SORCS3: variants seen among roughly 807,000 people sequenced by gnomAD.
SORCS3 encodes the protein sortilin related VPS10 domain containing receptor 3, also known as VPS10 domain-containing receptor SorCS3.
A neutral mutation model predicts 146.3 loss-of-function variants in SORCS3; 57 were observed. The observed-to-expected ratio is 0.39, with a 90% CI of 0.31 to 0.49. The LOEUF is 0.49. Ranked by LOEUF, SORCS3 falls within the 20% of genes least tolerant of loss-of-function variation. SORCS3 has a pLI of 0.92. For synonymous variants in SORCS3, 653 were observed against 618.5 expected (o/e 1.06, Z -0.83); for missense variants, 1,341 against 1,575.5 (o/e 0.85, Z 2.52).
At chr10:105,158,800 G>T in intron 10 of SORCS3, 92 bp from the exon 11 acceptor site, 1 of 933,716 alleles carries the variant, frequency 1.1e-6, no homozygotes, top group East Asian at 2.5e-5. Context: ...GCTATTTCTG[G>T]GAGCTGAACA....
chr10:105,204,733 T>C (rs1258122086), intron 16 of SORCS3, among the ~76,000 whole-genome samples: 1 of 152,126 alleles, frequency 6.6e-6, no homozygotes, highest in Non-Finnish European at 1.5e-5. Context: ...ATAAAGTTTT[T>C]TTTTACTACT....
At chr10:105,161,638 T>C (rs2056264085) in intron 11 of SORCS3, among the ~76,000 whole-genome samples, 1 of 152,152 alleles carries the variant, frequency 6.6e-6, no homozygotes, top group African/African-American at 2.4e-5. Context: ...GTTCCTAATA[T>C]CCTTAACACT....
chr10:104,933,485 G>A (rs1294639814), intron 3 of SORCS3, among the ~76,000 whole-genome samples: 4 of 152,096 alleles, frequency 2.6e-5, no homozygotes, highest in Non-Finnish European at 4.4e-5. Context: ...GTCAGGACAG[G>A]GTAAACCAGG....
At chr10:105,127,643 T>C (rs907684237) in intron 7 of SORCS3, among the ~76,000 whole-genome samples, 5 of 152,104 alleles carry the variant, frequency 3.3e-5, no homozygotes, top group Non-Finnish European at 7.4e-5. Flanking sequence ...GAGACTATTA[T>C]AGATGAGTAA....
At position 105,101,382 on chromosome 10, in the gene SORCS3, C is replaced by T. The variant is rs791103; in HGVS notation, c.1094-4015C>T. Among the ~76,000 whole-genome samples the T allele has an allele frequency of 2.3e-3, 349 of 152,288 alleles. 3 individuals carry two copies. Among genetic ancestry groups the T allele is most frequent in the African/African-American group, 8.2e-3 (340 of 41,560 alleles). ...ATTTAGTTTCCCCATGCCCCTACTTCGGTTCTCTCCTGGCAGAGGGCACTG... is the reference window on the plus strand; with the variant it reads ...ATTTAGTTTCCCCATGCCCCTACTTTGGTTCTCTCCTGGCAGAGGGCACTG... On this transcript the variant is annotated intron_variant, in intron 6 of 26. Coordinates refer to ENST00000369701, the MANE Select transcript of SORCS3 (RefSeq NM_014978.3).
intron 4 of SORCS3, among the ~76,000 whole-genome samples, chr10:104,985,790 A>G (rs899369506): frequency 4.6e-5 from 7 of 152,338 alleles, no homozygotes; most frequent in African/African-American, 1.7e-4. Flanking sequence ...GTTAATAAGC[A>G]GTAATAGTTT....
intron 9 of SORCS3, among the ~76,000 whole-genome samples, chr10:105,151,040 G>T (rs187400038): frequency 1.8e-4 from 27 of 152,266 alleles, no homozygotes; most frequent in Non-Finnish European, 3.4e-4. Context: ...GTTAGGACTG[G>T]TGCATGAGAT....
At chr10:104,772,536 A>C (rs923218757) in intron 1 of SORCS3, among the ~76,000 whole-genome samples, 3 of 152,158 alleles carry the variant, frequency 2.0e-5, no homozygotes, top group African/African-American at 7.2e-5. Flanking sequence ...GGTTTCATTC[A>C]TCAGCCCAGA....
chr10:104,737,502 T>A (rs770011380), intron 1 of SORCS3, among the ~76,000 whole-genome samples: 92 of 152,312 alleles, frequency 6.0e-4, no homozygotes, highest in Non-Finnish European at 1.2e-3. Context: ...CTCATTGTGG[T>A]TTTGATTTGC....
At chr10:104,794,957 A>G (rs1162995674) in intron 1 of SORCS3, among the ~76,000 whole-genome samples, 2 of 152,166 alleles carry the variant, frequency 1.3e-5, no homozygotes, top group African/African-American at 4.8e-5. Context: ...AACCAGCACA[A>G]TAGGAGCTGG....
intron 3 of SORCS3, among the ~76,000 whole-genome samples, chr10:104,931,706 A>G (rs2019210406): frequency 6.6e-6 from 1 of 152,246 alleles, no homozygotes; most frequent in African/African-American, 2.4e-5. Context: ...GCCTGAGAAT[A>G]GTGTTCAGGA....
chr10:105,168,412 C>T (rs1241964323), intron 13 of SORCS3, among the ~76,000 whole-genome samples: 1 of 152,066 alleles, frequency 6.6e-6, no homozygotes, highest in Admixed American at 6.6e-5. Flanking sequence ...GGATGAGTCT[C>T]ATTTGTATTT....
At chr10:105,054,940 T>G (rs1228693600) in intron 5 of SORCS3, among the ~76,000 whole-genome samples, 1 of 152,198 alleles carries the variant, frequency 6.6e-6, no homozygotes, top group Non-Finnish European at 1.5e-5. Flanking sequence ...AGAATCACCT[T>G]GTCATGTTTT....
At chr10:104,923,887 G>T (rs2133605640) in intron 3 of SORCS3, among the ~76,000 whole-genome samples, 1 of 152,314 alleles carries the variant, frequency 6.6e-6, no homozygotes. Context: ...GACAATGATA[G>T]TAAAAATAAT....
chr10:105,200,912 G>A (rs1380168786), intron 15 of SORCS3, among the ~76,000 whole-genome samples: 1 of 152,182 alleles, frequency 6.6e-6, no homozygotes, highest in Non-Finnish European at 1.5e-5. Flanking sequence ...GAGGGTAGAA[G>A]TGGGCCCACC....
Position 105,255,799 on chromosome 10 carries a change from T to C in SORCS3, c.3335T>C (p.Leu1112Ser). 1.9e-6 allele frequency: 3 copies of C among 1,610,656 alleles called. No individual in the cohort carries two copies. Among genetic ancestry groups the C allele is most frequent in the South Asian group, 1.1e-5 (1 of 90,572 alleles). ...QVIVYVTQLT[L>S]APLVDSSAGH... ...ATTGTGTATGTCACACAGCTGACGT[T>C]AGGTGAGTGCCACTGGGAACTGGGG... Residue 1112 changes from leucine to serine, a missense_variant and splice_region_variant, in exon 24 of 27, where the codon TTA becomes TCA. Leu to Ser is a moderately radical substitution (Grantham distance 145). Transcript: ENST00000369701.
At chr10:104,764,275 G>A (rs935321441) in intron 1 of SORCS3, among the ~76,000 whole-genome samples, 2 of 152,116 alleles carry the variant, frequency 1.3e-5, no homozygotes, top group African/African-American at 2.4e-5. Flanking sequence ...AACTCCTGGG[G>A]ATCCTGTTGA....
intron 2 of SORCS3, among the ~76,000 whole-genome samples, chr10:104,860,588 AG>A (rs1441141603): frequency 1.3e-5 from 2 of 152,178 alleles, no homozygotes; most frequent in Admixed American, 6.5e-5. Flanking sequence ...AAAACAGAAA[AG>A]AAAAAAAATG....
intron 2 of SORCS3, among the ~76,000 whole-genome samples, chr10:104,847,971 C>T (rs1178904164): frequency 1.3e-5 from 2 of 151,968 alleles, no homozygotes; most frequent in Non-Finnish European, 2.9e-5. Flanking sequence ...GGGTGGGAGG[C>T]TCCTCTTCTG....
Sources: allele counts gnomAD v4.1 joint callset (sites outside exome capture counted in the v4.1 genomes callset), GRCh38; gene constraint gnomAD v4.1.1; transcripts MANE v1.5; gene names NCBI Gene and HGNC (gene_info 2026-07-23, HGNC 2026-07-21).